The following GYG1 variants were observed in gnomAD, a reference collection of about 807,000 sequenced individuals.
GYG1 encodes the protein glycogenin 1, also known as glycogenin-1.
GYG1 carries 44 observed loss-of-function variants against 41.9 expected under a neutral mutation model. The observed-to-expected ratio is 1.05, with a 90% confidence interval of 0.83 to 1.35. The LOEUF (loss-of-function observed/expected upper bound fraction) is 1.35. Ranked by LOEUF, GYG1 falls within the 40% of genes most tolerant of loss-of-function variation. GYG1 has a pLI of 0.00. For missense variants in GYG1, 429 were observed against 418.9 expected (o/e 1.02, Z -0.21); for synonymous variants, 141 against 158.1 (o/e 0.89, Z 0.81).
rs1036326615 is a variant in GYG1, at chr3:149,010,940, A to G, written c.608+1538A>G. Reference sequence around the variant, plus strand: ...CCGTAAGTCTTACACCACGGTAATAAGCATGTCTGGCTTTTTGTAGCAGCA... The same window carrying G: ...CCGTAAGTCTTACACCACGGTAATAGGCATGTCTGGCTTTTTGTAGCAGCA... On this transcript the variant is annotated intron_variant, in intron 5 of 7. Transcript: ENST00000345003. 3.9e-5 allele frequency among the ~76,000 whole-genome samples: 6 copies of G among 152,270 alleles called. No individual in the cohort carries two copies. The East Asian group carries it at 1.2e-3, about 29-fold the overall frequency.
Position 148,998,165 on chromosome 3 carries a change from AAATTG to A in GYG1, c.481+1266_481+1270del, listed in dbSNP as rs539542586. ...GGGTTTTCATTGTTGCTATTCACAG[AAATTG>A]AATTATTTTTAGTTATTTGGCTGAG... On this transcript the variant is annotated intron_variant, in intron 4 of 7. Coordinates refer to ENST00000345003, the MANE Select transcript of GYG1 (RefSeq NM_004130.4). 3.3e-3 allele frequency among the ~76,000 whole-genome samples: 508 copies of A among 152,346 alleles called. 2 individuals are homozygous for A. The highest frequency in any genetic ancestry group is 0.012 in the African/African-American group (491 of 41,576).
intron 4 of GYG1, chr3:149,001,579 C>G (rs1469579562): frequency 6.6e-6 from 1 of 152,154 alleles, no homozygotes; most frequent in Admixed American, 6.5e-5. Flanking sequence ...ACTTATTTCT[C>G]AACAGTCCTG....
chr3:149,028,443 GATTT>G lies in GYG1; in HGVS notation c.*1516_*1519del, dbSNP rs1040506039. Among the ~76,000 whole-genome samples, 6 of 152,160 alleles carry G rather than the reference GATTT, an allele frequency of 3.9e-5. No individual in the cohort carries two copies. The highest frequency in any genetic ancestry group is 7.4e-5 in the Non-Finnish European group (5 of 68,024). ...CAAGTACAATGAAGCATTTACCAAA[GATTT>G]ATTTAAGTGCCTCCATGTGTCAGAT... On this transcript the variant is annotated 3_prime_UTR_variant, in exon 8 of 8. Coordinates refer to ENST00000345003, the MANE Select transcript of GYG1 (RefSeq NM_004130.4).
At chr3:149,009,505 T>C (rs1713600259) in intron 5 of GYG1, 103 bp downstream of exon 5, 1 of 1,144,840 alleles carries the variant, frequency 8.7e-7, no homozygotes, top group African/African-American at 1.5e-5. Flanking sequence ...AAATAACAGA[T>C]AGACACTTTG....
Position 149,022,346 on chromosome 3 carries a change from G to A in GYG1, c.609-1707G>A, listed in dbSNP as rs1411571764. Among the ~76,000 whole-genome samples the A allele has an allele frequency of 2.6e-5, 4 of 151,956 alleles. No individual in the cohort carries two copies. In the East Asian group the frequency reaches 7.7e-4, roughly 29 times the overall value. On this transcript the variant is annotated intron_variant, in intron 5 of 7. Coordinates refer to ENST00000345003, the MANE Select transcript of GYG1 (RefSeq NM_004130.4). ...TGCATTGTTTAAAAATACCACCCAA[G>A]TTAAGACATAGAACACAACCAGTGC... is the stretch of plus-strand genomic sequence containing the variant.
At chr3:149,023,208 C>T (rs1714463701) in intron 5 of GYG1, among the ~76,000 whole-genome samples, 1 of 152,166 alleles carries the variant, frequency 6.6e-6, no homozygotes, top group Non-Finnish European at 1.5e-5. Context: ...AGCAATGCTT[C>T]TGTAAGGCAC....
At position 148,994,136 on chromosome 3, in the gene GYG1, A is replaced by G. The variant is rs1313549770; in HGVS notation, c.8-6A>G. 9.9e-6 allele frequency: 16 copies of G among 1,610,632 alleles called. No homozygotes were observed. The Middle Eastern group carries it at 6.6e-4, about 67-fold the overall frequency. On this transcript the variant is annotated splice_region_variant and splice_polypyrimidine_tract_variant and intron_variant, in intron 1 of 7. Transcript: ENST00000345003. The stretch of plus-strand genomic sequence containing the variant: ...TAATGAGTGTTTTTTTTTTCTTTGT[A>G]TTAAGATCAGGCCTTTGTGACACTA...
At position 148,992,803 on chromosome 3, in the gene GYG1, G is replaced by C. The variant is rs373099226; in HGVS notation, c.7+1156G>C. ...TGACTGGGAAGCTGGTGGCCCTTCG[G>C]GGGTGGGGAACTGGTCTTCCTACAA... On this transcript the variant is annotated intron_variant, in intron 1 of 7. Transcript: ENST00000345003. 65 of 152,494 alleles carry C rather than the reference G, an allele frequency of 4.3e-4. 1 individual carries two copies. The highest frequency in any genetic ancestry group is 1.5e-3 in the African/African-American group (64 of 41,566). 9.4% of individuals were successfully genotyped at this position (152,494 alleles called of 1,614,324 possible).
intron 4 of GYG1, among the ~76,000 whole-genome samples, chr3:149,001,943 T>C (rs1248490226): frequency 1.3e-5 from 2 of 152,214 alleles, no homozygotes; most frequent in African/African-American, 4.8e-5. Context: ...AGCTGGTATA[T>C]TCCTCATTTT....
At position 149,017,020 on chromosome 3, in the gene GYG1, C is replaced by T. The variant is rs563518405; in HGVS notation, c.609-7033C>T. 1.5e-4 allele frequency among the ~76,000 whole-genome samples: 23 copies of T among 152,276 alleles called. No homozygotes were observed. The South Asian group carries it at 3.7e-3, about 25-fold the overall frequency. Reference sequence around the variant, plus strand: ...TCTCGGTATCTGACTGAACAATGCACGTAAAGAGCTTAGTGAGGACTAAAA... The same window carrying T: ...TCTCGGTATCTGACTGAACAATGCATGTAAAGAGCTTAGTGAGGACTAAAA... On this transcript the variant is annotated intron_variant, in intron 5 of 7. Coordinates refer to ENST00000345003, the MANE Select transcript of GYG1 (RefSeq NM_004130.4).
rs1714781065 is a variant in GYG1, at chr3:149,028,704, AATTTTTT to A, written c.*1772_*1778del. On this transcript the variant is annotated 3_prime_UTR_variant, in exon 8 of 8. Transcript: ENST00000345003. ...AGGTGGAAAAGCTGACATAGTTTTA[AATTTTTT>A]TTTTTTTTTTTTTTTTTCTTGAGGC... Among the ~76,000 whole-genome samples, 2 of 142,832 alleles carry A rather than the reference AATTTTTT, an allele frequency of 1.4e-5. No individual in the cohort carries two copies. The highest frequency in any genetic ancestry group is 7.1e-5 in the Admixed American group (1 of 14,030). The allele number at this position is 142,832 out of a possible 152,430, so 93.7% of individuals were successfully genotyped here.
At chr3:149,012,502 A>G (rs1219998397) in intron 5 of GYG1, among the ~76,000 whole-genome samples, 1 of 152,242 alleles carries the variant, frequency 6.6e-6, no homozygotes, top group East Asian at 1.9e-4. Flanking sequence ...AGTTTTGGAT[A>G]TCTAGAACTT....
intron 4 of GYG1, chr3:149,007,984 C>T (rs998356889): frequency 5.9e-5 from 9 of 152,196 alleles, no homozygotes; most frequent in African/African-American, 1.9e-4. Context: ...CCATGATCCC[C>T]GCTTTCTGAG....
At chr3:148,995,686 GAATAC>G (rs1712745621) in intron 2 of GYG1, among the ~76,000 whole-genome samples, 2 of 152,314 alleles carry the variant, frequency 1.3e-5, no homozygotes, top group Admixed American at 1.3e-4. Flanking sequence ...TTTGGAGACA[GAATAC>G]AATACCAGTT....
intron 4 of GYG1, chr3:149,000,825 C>G (rs997678835): frequency 6.6e-6 from 1 of 152,082 alleles, no homozygotes. Context: ...AAGAAGAAAA[C>G]ATAGGAGAGA....
In GYG1 at chr3:149,008,946, T is replaced by C. The variant is rs1286232897; in HGVS notation, c.482-330T>C. On this transcript the variant is annotated intron_variant, in intron 4 of 7. Transcript: ENST00000345003. ...GCCAAGGCAGGTGTATCACTTGAGATCAGGGGTTCGAGTCCAGCCTGGCCA... is the reference window on the plus strand; with the variant it reads ...GCCAAGGCAGGTGTATCACTTGAGACCAGGGGTTCGAGTCCAGCCTGGCCA... 1.1e-5 allele frequency: 3 copies of C among 274,056 alleles called. No homozygotes were observed. The East Asian group carries it at 2.8e-4, about 26-fold the overall frequency. The allele number at this position is 274,056 out of a possible 1,614,324, so 17.0% of individuals were successfully genotyped here. A position where few individuals can be genotyped will look rare whatever the true frequency, so the allele number is the denominator to read the frequency against.
intron 5 of GYG1, among the ~76,000 whole-genome samples, chr3:149,019,161 T>G (rs1033846397): frequency 3.3e-5 from 5 of 151,636 alleles, no homozygotes; most frequent in African/African-American, 1.2e-4. Flanking sequence ...GGGCTGAGCA[T>G]ACCTATGATA....
chr3:148,994,678 A>G (rs1315811560), intron 2 of GYG1, among the ~76,000 whole-genome samples: 1 of 152,218 alleles, frequency 6.6e-6, no homozygotes, highest in Non-Finnish European at 1.5e-5. Flanking sequence ...CATGTTGCAA[A>G]CTAGGGAAAC....
chr3:149,016,858 T>C (rs1176922937), intron 5 of GYG1, among the ~76,000 whole-genome samples: 7 of 152,200 alleles, frequency 4.6e-5, no homozygotes, highest in African/African-American at 1.7e-4. Context: ...GCTCTGCCCA[T>C]GTGGGCAAGT....
Sources: gnomAD v4.1 joint callset for allele counts (sites outside exome capture counted in the v4.1 genomes callset) on GRCh38, gnomAD v4.1.1 for gene constraint, MANE v1.5 for transcripts, NCBI Gene and HGNC (gene_info 2026-07-23, HGNC 2026-07-21) for gene names.